The following PI4KA variants were observed in gnomAD, a reference collection of about 807,000 sequenced individuals.
PI4KA encodes PI4-kinase alpha.
Under a neutral mutation model 271.4 loss-of-function variants are expected in PI4KA, and 122 were observed. That is an observed-to-expected ratio of 0.45 (90% CI 0.39 to 0.52). The LOEUF is 0.52. Ranked by LOEUF, PI4KA falls within the 20% of genes least tolerant of loss-of-function variation. The pLI is 0.00. For missense variants in PI4KA, 1,969 were observed against 2,769.1 expected (o/e 0.71, Z 6.48); for synonymous variants, 1,041 against 1,078.8 (o/e 0.96, Z 0.69).
intron 10 of PI4KA, among the ~76,000 whole-genome samples, chr22:20,806,941 G>A (rs1433582773): frequency 1.3e-5 from 2 of 151,866 alleles, no homozygotes; most frequent in Non-Finnish European, 2.9e-5. Context: ...ACCCTGTTTG[G>A]CAAGGCTGGT....
chr22:20,790,039 A>G (rs1166970852), intron 19 of PI4KA, among the ~76,000 whole-genome samples: 1 of 152,284 alleles, frequency 6.6e-6, no homozygotes, highest in Non-Finnish European at 1.5e-5. Flanking sequence ...GTCTCTAAGC[A>G]TTAGATACCA....
intron 1 of PI4KA, 25 bp from the exon 2 acceptor site, chr22:20,838,756 A>G: frequency 7.4e-7 from 1 of 1,345,032 alleles, no homozygotes; most frequent in South Asian, 1.2e-5. Flanking sequence ...CCCCCCAAAA[A>G]CAGCTCTACA....
intron 27 of PI4KA, 76 bp from the exon 28 acceptor site, chr22:20,750,070 G>T: frequency 1.1e-6 from 1 of 921,870 alleles, no homozygotes; most frequent in South Asian, 1.3e-5. Context: ...GTCATGGGCT[G>T]AACTATGTCT....
chr22:20,713,885 T>G (rs1447998340), intron 47 of PI4KA, among the ~76,000 whole-genome samples: 1 of 152,250 alleles, frequency 6.6e-6, no homozygotes, highest in Non-Finnish European at 1.5e-5. Flanking sequence ...AATGTGTCCT[T>G]ATTTGGAAAC....
intron 32 of PI4KA, among the ~76,000 whole-genome samples, chr22:20,734,875 A>G (rs573654373): frequency 6.6e-6 from 1 of 152,028 alleles, no homozygotes; most frequent in African/African-American, 2.4e-5. Context: ...CTTCTCTATA[A>G]CCCTGATAAC....
At chr22:20,801,675 G>A (rs1466523722) in intron 14 of PI4KA, among the ~76,000 whole-genome samples, 1 of 151,778 alleles carries the variant, frequency 6.6e-6, no homozygotes. Context: ...CCTGAGGTCA[G>A]GAGTTCGAGA....
At chr22:20,831,765 T>C (rs1324567817) in intron 3 of PI4KA, among the ~76,000 whole-genome samples, 1 of 152,144 alleles carries the variant, frequency 6.6e-6, no homozygotes, top group East Asian at 1.9e-4. Context: ...TTTCTTTCAT[T>C]TAGACCTTGG....
chr22:20,819,999 AC>A (rs1922419962), intron 5 of PI4KA, 99 bp from the exon 6 acceptor site: 10 of 1,038,560 alleles, frequency 9.6e-6, no homozygotes, highest in Non-Finnish European at 1.3e-5. Flanking sequence ...TTCACAACCC[AC>A]CCACTAATAA....
intron 22 of PI4KA, 102 bp from the exon 23 acceptor site, chr22:20,761,488 C>T: frequency 1.3e-6 from 1 of 750,288 alleles, no homozygotes; most frequent in Non-Finnish European, 2.4e-6. Context: ...GAACATTTGC[C>T]CTCTGTCATT....
At chr22:20,811,387 T>C (rs165902) in intron 8 of PI4KA, among the ~76,000 whole-genome samples, 74,025 of 151,918 alleles carry the variant, frequency 0.49, 18,550 homozygotes, top group African/African-American at 0.59. Flanking sequence ...TGACATCCTC[T>C]TGCAATCCCC....
chr22:20,727,148 T>C (rs1335336368), intron 41 of PI4KA, 82 bp downstream of exon 41: 1 of 1,315,740 alleles, frequency 7.6e-7, no homozygotes, highest in African/African-American at 1.5e-5. Context: ...TCATGGCCAA[T>C]GGTGGGGCCT....
Position 20,713,485 on chromosome 22 carries a change from C to T in PI4KA, c.5462-95G>A, listed in dbSNP as rs982675590. The T allele has an allele frequency of 1.3e-5, 12 of 934,940 alleles. No individual in the cohort carries two copies. The African/African-American group carries it at 1.5e-4, about 11-fold the overall frequency. The allele number at this position is 934,940 out of a possible 1,614,324, so 57.9% of individuals were successfully genotyped here. A position where few individuals can be genotyped will look rare whatever the true frequency, so the allele number is the denominator to read the frequency against. ...AGTCCTCTCACATGCCTGAAAGGAA[C>T]CCCAGCAATCTTGGGGATCACTTCT... On this transcript the variant is annotated intron_variant, in intron 47 of 54. Transcript: ENST00000255882.
At chr22:20,812,283 G>C (rs180788209) in intron 8 of PI4KA, among the ~76,000 whole-genome samples, 2 of 152,062 alleles carry the variant, frequency 1.3e-5, no homozygotes, top group African/African-American at 2.4e-5. Context: ...ATTCATTATG[G>C]TTCCATCCTC....
Position 20,736,115 on chromosome 22 carries a change from C to T in PI4KA, c.3742-1562G>A, listed in dbSNP as rs117889427. Reference sequence around the variant, plus strand: ...CAGTGCGAGTGAGCGTGTGACAGACCAGGTGGCCAGGGAGAGCCCTGGCAA... The same window carrying T: ...CAGTGCGAGTGAGCGTGTGACAGACTAGGTGGCCAGGGAGAGCCCTGGCAA... On this transcript the variant is annotated intron_variant, in intron 32 of 54. Transcript: ENST00000255882. Among the ~76,000 whole-genome samples, 584 of 152,182 alleles carry T rather than the reference C, an allele frequency of 3.8e-3. 2 individuals carry two copies. The highest frequency in any genetic ancestry group is 6.3e-3 in the Non-Finnish European group (431 of 67,984).
At chr22:20,748,681 T>G (rs1051619531) in intron 28 of PI4KA, among the ~76,000 whole-genome samples, 1 of 152,194 alleles carries the variant, frequency 6.6e-6, no homozygotes, top group African/African-American at 2.4e-5. Context: ...AGTATATACA[T>G]GCAGAATTGT....
intron 1 of PI4KA, among the ~76,000 whole-genome samples, chr22:20,851,154 A>C (rs1040828551): frequency 6.6e-6 from 1 of 151,762 alleles, no homozygotes; most frequent in Admixed American, 6.6e-5. Flanking sequence ...GAGCCCTGGA[A>C]TTTGAGACCA....
chr22:20,713,537 A>T, intron 47 of PI4KA, 147 bp from the exon 48 acceptor site: 1 of 642,678 alleles, frequency 1.6e-6, no homozygotes, highest in African/African-American at 1.8e-5. Flanking sequence ...GCCAAGGAGG[A>T]GCCCAGCAGG....
chr22:20,764,713 G>T, intron 22 of PI4KA, 104 bp downstream of exon 22: 1 of 1,265,426 alleles, frequency 7.9e-7, no homozygotes, highest in Non-Finnish European at 1.1e-6. Flanking sequence ...AAGTTTGCAT[G>T]TCTTGGGAGA....
chr22:20,721,200 G>C (rs1926695494), intron 43 of PI4KA, 98 bp downstream of exon 43: 1 of 1,291,350 alleles, frequency 7.7e-7, no homozygotes, highest in South Asian at 1.3e-5. Context: ...CGGTGAGCTG[G>C]GGCAGTGCAG....
Sources: gnomAD v4.1 joint callset for allele counts (sites outside exome capture counted in the v4.1 genomes callset) on GRCh38, gnomAD v4.1.1 for gene constraint, MANE v1.5 for transcripts, NCBI Gene and HGNC (gene_info 2026-07-23, HGNC 2026-07-21) for gene names.